SLC25A51: variants seen among roughly 807,000 people sequenced by gnomAD.
The protein encoded by SLC25A51 is solute carrier family 25 member 51, also known as mitochondrial nicotinamide adenine dinucleotide transporter SLC25A51.
In SLC25A51, 11 loss-of-function variants were observed where a neutral mutation model predicts 19.1. That is an observed-to-expected ratio of 0.58 (90% CI 0.36 to 0.96). SLC25A51 has a LOEUF of 0.96. SLC25A51 is among the 40% of genes least tolerant of loss of function. The pLI is 0.01. For missense variants in SLC25A51, 201 were observed against 365.4 expected (o/e 0.55, Z 3.67); for synonymous variants, 105 against 133.6 (o/e 0.79, Z 1.47).
downstream of SLC25A51, among the ~76,000 whole-genome samples, chr9:37,882,759 T>C (rs565128363): frequency 2.8e-4 from 42 of 152,332 alleles, no homozygotes; most frequent in South Asian, 8.7e-3. Context: ...AGACCATAAG[T>C]GTCCTGCGCT....
chr9:37,899,217 T>C (rs778509844), intron 2 of SLC25A51, among the ~76,000 whole-genome samples: 2 of 152,188 alleles, frequency 1.3e-5, no homozygotes, highest in Non-Finnish European at 2.9e-5. Context: ...GACTTATTCA[T>C]TTGGTGTATT....
chr9:37,895,132 T>C (rs1045265816), intron 2 of SLC25A51, among the ~76,000 whole-genome samples: 1 of 152,214 alleles, frequency 6.6e-6, no homozygotes, highest in Non-Finnish European at 1.5e-5. Context: ...ATTGTTTTTT[T>C]CTATTTCGCC....
intron 1 of SLC25A51, among the ~76,000 whole-genome samples, chr9:37,903,102 C>T (rs1292385664): frequency 6.6e-6 from 1 of 152,148 alleles, no homozygotes; most frequent in African/African-American, 2.4e-5. Context: ...GCTTGTTTTC[C>T]CCTGAGATGC....
intron 2 of SLC25A51, among the ~76,000 whole-genome samples, chr9:37,892,397 G>A (rs1831611578): frequency 2.0e-5 from 3 of 152,198 alleles, no homozygotes; most frequent in South Asian, 4.1e-4. Context: ...GCGGCATCGC[G>A]TTCTTGGAGG....
At chr9:37,898,626 G>C (rs1307095208) in intron 2 of SLC25A51, among the ~76,000 whole-genome samples, 1 of 152,142 alleles carries the variant, frequency 6.6e-6, no homozygotes, top group Non-Finnish European at 1.5e-5. Context: ...GGCTGAGGCA[G>C]GAGAATTGCC....
At chr9:37,892,488 C>A (rs981368102) in intron 2 of SLC25A51, among the ~76,000 whole-genome samples, 1 of 152,086 alleles carries the variant, frequency 6.6e-6, no homozygotes, top group African/African-American at 2.4e-5. Context: ...CCGGTTAGGA[C>A]CCTCAGGAAA....
chr9:37,899,148 AG>A (rs1402933076), intron 2 of SLC25A51, among the ~76,000 whole-genome samples: 1 of 152,228 alleles, frequency 6.6e-6, no homozygotes, highest in East Asian at 1.9e-4. Context: ...ACAGCAGTCT[AG>A]TGTACAGTAG....
At chr9:37,895,009 C>T (rs1258835679) in intron 2 of SLC25A51, among the ~76,000 whole-genome samples, 1 of 152,170 alleles carries the variant, frequency 6.6e-6, no homozygotes, top group Non-Finnish European at 1.5e-5. Flanking sequence ...TCTTCTTTAT[C>T]CCGTGTACTA....
chr9:37,894,757 C>A (rs988682998), intron 2 of SLC25A51, among the ~76,000 whole-genome samples: 2 of 152,118 alleles, frequency 1.3e-5, no homozygotes, highest in Non-Finnish European at 2.9e-5. Flanking sequence ...CTTTCCTGAT[C>A]CTCTCCCTCC....
At chr9:37,887,292 G>T (rs1831481354), downstream of SLC25A51, among the ~76,000 whole-genome samples, 1 of 151,596 alleles carries the variant, frequency 6.6e-6, no homozygotes, top group East Asian at 1.9e-4. Context: ...ACTCCAGCCT[G>T]GGCAACAGAG....
At chr9:37,896,345 T>C (rs1474735466) in intron 2 of SLC25A51, among the ~76,000 whole-genome samples, 1 of 152,020 alleles carries the variant, frequency 6.6e-6, no homozygotes, top group Non-Finnish European at 1.5e-5. Flanking sequence ...CAAAATATAG[T>C]TCATCATCTA....
downstream of SLC25A51, chr9:37,885,664 G>T: frequency 9.5e-7 from 1 of 1,056,606 alleles, no homozygotes. Flanking sequence ...GAACCCCAAA[G>T]GAGTTGCCCG....
At chr9:37,896,089 C>T (rs1212603477) in intron 2 of SLC25A51, among the ~76,000 whole-genome samples, 1 of 152,192 alleles carries the variant, frequency 6.6e-6, no homozygotes, top group African/African-American at 2.4e-5. Flanking sequence ...GCTCGGATTA[C>T]AGGCCCTTCC....
At chr9:37,897,749 C>T (rs1379965354) in intron 2 of SLC25A51, among the ~76,000 whole-genome samples, 2 of 151,940 alleles carry the variant, frequency 1.3e-5, no homozygotes, top group African/African-American at 4.8e-5. Flanking sequence ...AGTTGGCTTT[C>T]GGTTTTAAAC....
exon 4 of SLC25A51, chr9:37,880,010 T>C (rs1831320018): frequency 6.6e-6 from 1 of 152,344 alleles, no homozygotes. Flanking sequence ...AAGCATTTAT[T>C]GAAGTGACAT....
intron 1 of SLC25A51, among the ~76,000 whole-genome samples, chr9:37,900,740 T>C (rs1277800620): frequency 6.6e-6 from 1 of 152,112 alleles, no homozygotes; most frequent in Non-Finnish European, 1.5e-5. Context: ...AAATTACTTC[T>C]AACCTGTGTA....
Position 37,888,208 on chromosome 9 carries a change from C to G in SLC25A51, c.343G>C (p.Ala115Pro), listed in dbSNP as rs370362775. ...LSCLLHKHVS[A>P]PEFATSGVAA... ...ACGCCACTGGTTGCAAACTCTGGAG[C>G]ACTGACATGCTTGTGGAGAAGGCAG... The change falls in exon 3 of 3, where the codon GCT becomes CCT. Residue 115 changes from alanine to proline, a missense_variant. Ala to Pro is a conservative substitution (Grantham distance 27). Coordinates refer to ENST00000242275, the MANE Select transcript of SLC25A51 (RefSeq NM_033412.4). The G allele has an allele frequency of 4.3e-6, 7 of 1,614,024 alleles. No homozygotes were observed. The highest frequency in any genetic ancestry group is 5.9e-6 in the Non-Finnish European group (7 of 1,180,006).
At chr9:37,891,255 G>A (rs978027322) in intron 2 of SLC25A51, among the ~76,000 whole-genome samples, 11 of 152,078 alleles carry the variant, frequency 7.2e-5, no homozygotes, top group African/African-American at 9.7e-5. Flanking sequence ...GCCCCCACCC[G>A]GCCAGCCGCC....
At chr9:37,885,680 G>T, downstream of SLC25A51, 1 of 1,281,100 alleles carries the variant, frequency 7.8e-7, no homozygotes, top group Middle Eastern at 2.4e-4. Flanking sequence ...GCCCGAAACC[G>T]GAGAGAGAAG....
Sources: gnomAD v4.1 joint callset for allele counts (sites outside exome capture counted in the v4.1 genomes callset) on GRCh38, gnomAD v4.1.1 for gene constraint, MANE v1.5 for transcripts, NCBI Gene and HGNC (gene_info 2026-07-23, HGNC 2026-07-21) for gene names.